PLEKHA5: variants seen among roughly 807,000 people sequenced by gnomAD.
PLEKHA5 encodes pleckstrin homology domain containing A5.
In PLEKHA5, 55 loss-of-function variants were observed where a neutral mutation model predicts 181.9. That is an observed-to-expected ratio of 0.30 (90% CI 0.24 to 0.38). PLEKHA5 has a LOEUF of 0.38. Ranked by LOEUF, PLEKHA5 falls within the 10% of genes least tolerant of loss-of-function variation. The pLI, the probability that PLEKHA5 is intolerant of heterozygous loss-of-function variation, is 1.00. For synonymous variants in PLEKHA5, 535 were observed against 529.4 expected (o/e 1.01, Z -0.15); for missense variants, 1,432 against 1,549.5 (o/e 0.92, Z 1.27).
At chr12:19,131,919 A>AT (rs1363994933) in intron 2 of PLEKHA5, among the ~76,000 whole-genome samples, 7 of 152,214 alleles carry the variant, frequency 4.6e-5, no homozygotes, top group Non-Finnish European at 7.3e-5. Flanking sequence ...TTTTCCATTA[A>AT]TTAAGTAGTT....
intron 27 of PLEKHA5, among the ~76,000 whole-genome samples, chr12:19,359,160 A>G (rs568259421): frequency 1.8e-4 from 27 of 152,348 alleles, no homozygotes; most frequent in Non-Finnish European, 3.2e-4. Flanking sequence ...GCTAATGGAG[A>G]CTAAACAAAG....
chr12:19,167,200 C>T (rs1278480366), intron 3 of PLEKHA5, among the ~76,000 whole-genome samples: 2 of 152,054 alleles, frequency 1.3e-5, no homozygotes, highest in African/African-American at 4.8e-5. Context: ...TCAGATTGTT[C>T]TGGGAGCTAA....
At chr12:19,323,815 CAAAA>C (rs376204923) in intron 20 of PLEKHA5, among the ~76,000 whole-genome samples, 6 of 116,002 alleles carry the variant, frequency 5.2e-5, no homozygotes, top group Admixed American at 8.8e-5. Flanking sequence ...GACTCTGTTT[CAAAA>C]AAAAAAAAAA....
intron 3 of PLEKHA5, among the ~76,000 whole-genome samples, chr12:19,182,601 C>T (rs1390964970): frequency 6.6e-6 from 1 of 152,152 alleles, no homozygotes; most frequent in Non-Finnish European, 1.5e-5. Context: ...CCTCTTCTCC[C>T]TTACCATATT....
chr12:19,336,719 T>C lies in PLEKHA5; in HGVS notation c.2550+103T>C, dbSNP rs2153127951. 4 of 645,714 alleles carry C rather than the reference T, an allele frequency of 6.2e-6. No homozygotes were observed. In the South Asian group the frequency reaches 6.9e-5, roughly 11 times the overall value. 40.0% of individuals were successfully genotyped at this position (645,714 alleles called of 1,614,324 possible). ...CATACCCATAACAGTTTTTACATTA[T>C]TGGCTACCTGAGACCTGGATTTGAA... On this transcript the variant is annotated intron_variant, in intron 21 of 31. Coordinates refer to ENST00000429027, the MANE Select transcript of PLEKHA5 (RefSeq NM_001256470.2).
intron 21 of PLEKHA5, among the ~76,000 whole-genome samples, chr12:19,338,791 G>A (rs943559207): frequency 4.0e-4 from 61 of 151,388 alleles, no homozygotes; most frequent in Admixed American, 4.0e-3. Context: ...GGCTGTGGCA[G>A]GAGAATCACT....
rs181436445 is a variant in PLEKHA5 at position 19,176,680 on chromosome 12, A to G, written c.227+44230A>G. ...TGTTTTCCTTGATAGAAGCTTAGGT[A>G]TAGGAAAGAAAACTGAAGAGGAAAT... On this transcript the variant is annotated intron_variant, in intron 3 of 31. Coordinates refer to ENST00000429027, the MANE Select transcript of PLEKHA5 (RefSeq NM_001256470.2). 5.9e-5 allele frequency: 9 copies of G among 152,276 alleles called. No homozygotes were observed. In the East Asian group the frequency reaches 1.7e-3, roughly 29 times the overall value. The allele number at this position is 152,276 out of a possible 1,614,324, so 9.4% of individuals were successfully genotyped here.
At chr12:19,206,245 G>A (rs1262216032) in intron 3 of PLEKHA5, among the ~76,000 whole-genome samples, 2 of 151,562 alleles carry the variant, frequency 1.3e-5, no homozygotes, top group African/African-American at 4.8e-5. Flanking sequence ...GTTAAAGGGC[G>A]ATATTTTTAT....
chr12:19,272,120 G>A (rs1343902067), intron 10 of PLEKHA5, among the ~76,000 whole-genome samples: 1 of 151,926 alleles, frequency 6.6e-6, no homozygotes, highest in Non-Finnish European at 1.5e-5. Flanking sequence ...ACCTGTTCAC[G>A]ATAATGTCAT....
chr12:19,360,628 A>T (rs1029394615), intron 28 of PLEKHA5, among the ~76,000 whole-genome samples: 2 of 152,056 alleles, frequency 1.3e-5, no homozygotes, highest in Non-Finnish European at 2.9e-5. Context: ...AAAGAAAAAG[A>T]AAAAAAGAAA....
At chr12:19,177,771 T>C (rs1414549337) in intron 3 of PLEKHA5, among the ~76,000 whole-genome samples, 1 of 152,176 alleles carries the variant, frequency 6.6e-6, no homozygotes, top group African/African-American at 2.4e-5. Flanking sequence ...CTTCAATAAG[T>C]TATAATTTAT....
intron 3 of PLEKHA5, among the ~76,000 whole-genome samples, chr12:19,249,003 T>G (rs1314012566): frequency 6.6e-6 from 1 of 152,224 alleles, no homozygotes; most frequent in Admixed American, 6.5e-5. Flanking sequence ...TTTTTATGTT[T>G]TTCTCACTGC....
At chr12:19,319,100 T>G (rs373996694) in intron 16 of PLEKHA5, among the ~76,000 whole-genome samples, 1 of 152,188 alleles carries the variant, frequency 6.6e-6, no homozygotes, top group Non-Finnish European at 1.5e-5. Context: ...ATATAAATTA[T>G]TTTCTTGGAT....
intron 5 of PLEKHA5, among the ~76,000 whole-genome samples, 185 bp downstream of exon 5, chr12:19,255,350 A>C (rs2066582510): frequency 6.6e-6 from 1 of 152,126 alleles, no homozygotes; most frequent in Admixed American, 6.6e-5. Flanking sequence ...CAGTGACTTA[A>C]ATTTTTAAAT....
At chr12:19,215,088 A>G (rs1026115671) in intron 3 of PLEKHA5, among the ~76,000 whole-genome samples, 2 of 152,068 alleles carry the variant, frequency 1.3e-5, no homozygotes, top group Non-Finnish European at 2.9e-5. Context: ...GAGGCAGGAG[A>G]ATCACTTGAA....
intron 3 of PLEKHA5, among the ~76,000 whole-genome samples, chr12:19,135,716 G>GT (rs1166043467): frequency 6.6e-6 from 1 of 152,008 alleles, no homozygotes; most frequent in African/African-American, 2.4e-5. Flanking sequence ...CCTGATCAGC[G>GT]TAAGAGTTGT....
At chr12:19,307,329 G>A (rs570136557) in intron 15 of PLEKHA5, 98 of 322,774 alleles carry the variant, frequency 3.0e-4, no homozygotes, top group Non-Finnish European at 4.2e-4. Flanking sequence ...AAAATTAGCC[G>A]GGCATGGTGG....
chr12:19,277,980 G>C (rs895133062), intron 11 of PLEKHA5, among the ~76,000 whole-genome samples: 1 of 152,166 alleles, frequency 6.6e-6, no homozygotes, highest in African/African-American at 2.4e-5. Context: ...TCTGATGTAG[G>C]AGCTTAGAGT....
intron 3 of PLEKHA5, among the ~76,000 whole-genome samples, chr12:19,173,313 G>A (rs1289675264): frequency 2.6e-5 from 4 of 152,018 alleles, no homozygotes; most frequent in South Asian, 2.1e-4. Context: ...GTGAGCCACC[G>A]CGCCCGGCCC....
Sources: allele counts gnomAD v4.1 joint callset (sites outside exome capture counted in the v4.1 genomes callset), GRCh38; gene constraint gnomAD v4.1.1; transcripts MANE v1.5; gene names NCBI Gene and HGNC (gene_info 2026-07-23, HGNC 2026-07-21).